GLIS3: variants seen among roughly 807,000 people sequenced by gnomAD.
GLIS3 encodes the protein zinc finger protein GLIS3.
GLIS3 carries 53 observed loss-of-function variants against 78.6 expected under a neutral mutation model. The observed-to-expected ratio is 0.67, with a 90% CI of 0.54 to 0.85. The LOEUF (loss-of-function observed/expected upper bound fraction) is 0.85, where lower values mean the gene tolerates loss of function less well. GLIS3 is among the 40% of genes least tolerant of loss of function. The pLI, the probability that GLIS3 is intolerant of heterozygous loss-of-function variation, is 0.00. For synonymous variants in GLIS3, 684 were observed against 509.9 expected (o/e 1.34, Z -4.60); for missense variants, 1,703 against 1,231.1 (o/e 1.38, Z -5.74).
At chr9:4,295,764 G>A (rs1418422783) in intron 1 of GLIS3, among the ~76,000 whole-genome samples, 2 of 152,138 alleles carry the variant, frequency 1.3e-5, no homozygotes, top group Non-Finnish European at 2.9e-5. Context: ...TTTCCGTAAG[G>A]ATATTTCATC....
At chr9:4,226,630 C>T (rs10814891) in intron 2 of GLIS3, among the ~76,000 whole-genome samples, 55,086 of 151,968 alleles carry the variant, frequency 0.36, 10,710 homozygotes, top group Non-Finnish European at 0.44. Context: ...AGCATTGCTT[C>T]AAAGTTTGGA....
intron 2 of GLIS3, among the ~76,000 whole-genome samples, chr9:4,166,747 G>A (rs1008241201): frequency 6.6e-6 from 1 of 152,224 alleles, no homozygotes; most frequent in African/African-American, 2.4e-5. Context: ...AGGCATAAGT[G>A]AACAGAGGGT....
the GLIS3 span, among the ~76,000 whole-genome samples, chr9:4,453,357 A>AAG: frequency 6.8e-6 from 1 of 146,708 alleles, no homozygotes; most frequent in Non-Finnish European, 1.5e-5. Flanking sequence ...AAAAAAAAAA[A>AAG]AAAAAAAGAA....
chr9:4,102,903 G>A (rs1830480455), intron 4 of GLIS3, among the ~76,000 whole-genome samples: 1 of 151,752 alleles, frequency 6.6e-6, no homozygotes, highest in African/African-American at 2.4e-5. Flanking sequence ...GCTTTACATA[G>A]AAGGAAAAGA....
intron 4 of GLIS3, among the ~76,000 whole-genome samples, chr9:4,070,584 G>GGTGTGTATGTGGGTAGTGA (rs2130630700): frequency 6.6e-6 from 1 of 152,106 alleles, no homozygotes; most frequent in South Asian, 2.1e-4. Context: ...GAGAAAGGAG[G>GGTGTGTATGTGGGTAGTGA]GTGTGTATGT....
At chr9:4,316,636 T>C (rs1817440354) in intron 2 of GLIS3, among the ~76,000 whole-genome samples, 2 of 152,118 alleles carry the variant, frequency 1.3e-5, no homozygotes, top group African/African-American at 4.8e-5. Context: ...ATGGTCCCAG[T>C]GTGAGTAAGC....
At chr9:4,453,806 C>T in the GLIS3 span, among the ~76,000 whole-genome samples, 1 of 151,784 alleles carries the variant, frequency 6.6e-6, no homozygotes, top group Non-Finnish European at 1.5e-5. Flanking sequence ...AATGAGAACA[C>T]TTGGACACAG....
intron 2 of GLIS3, among the ~76,000 whole-genome samples, chr9:4,199,209 C>A: frequency 6.6e-6 from 1 of 152,130 alleles, no homozygotes; most frequent in East Asian, 1.9e-4. Context: ...AGTCTCACAT[C>A]TCAGTATTAA....
chr9:4,026,141 A>G (rs577376524), intron 4 of GLIS3, among the ~76,000 whole-genome samples: 1 of 152,354 alleles, frequency 6.6e-6, no homozygotes, highest in East Asian at 1.9e-4. Flanking sequence ...TCCAACATCA[A>G]GATTATAAAT....
chr9:3,962,768 T>C (rs925290867), intron 4 of GLIS3, among the ~76,000 whole-genome samples: 7 of 152,176 alleles, frequency 4.6e-5, no homozygotes, highest in Admixed American at 2.0e-4. Flanking sequence ...AATGATGTCA[T>C]TTGGTCTTCA....
At chr9:4,320,873 C>G (rs954650867) in intron 2 of GLIS3, among the ~76,000 whole-genome samples, 8 of 152,168 alleles carry the variant, frequency 5.3e-5, no homozygotes, top group Non-Finnish European at 1.0e-4. Context: ...TCAATCTGAT[C>G]ATTACACTGA....
intron 9 of GLIS3, among the ~76,000 whole-genome samples, chr9:3,842,240 G>A (rs370700811): frequency 1.5e-3 from 223 of 152,272 alleles, no homozygotes; most frequent in African/African-American, 4.9e-3. Context: ...TTGGGAGGCC[G>A]AGATGGGTGG....
chr9:3,868,929 C>G (rs2130368341), intron 8 of GLIS3, among the ~76,000 whole-genome samples: 1 of 152,246 alleles, frequency 6.6e-6, no homozygotes, highest in East Asian at 1.9e-4. Flanking sequence ...TCCTTTCTCC[C>G]CAATTTTGGG....
intron 2 of GLIS3, among the ~76,000 whole-genome samples, chr9:4,152,588 A>T (rs1834763576): frequency 6.6e-6 from 1 of 152,126 alleles, no homozygotes; most frequent in Non-Finnish European, 1.5e-5. Context: ...ATCCTTTCCA[A>T]CCCATTTTCT....
At chr9:4,412,024 T>C in the GLIS3 span, among the ~76,000 whole-genome samples, 30 of 152,318 alleles carry the variant, frequency 2.0e-4, 1 homozygote, top group East Asian at 5.0e-3. Flanking sequence ...GGATATCAAA[T>C]GAGAAGGTTG....
chr9:4,232,732 C>T (rs1053840203), intron 2 of GLIS3, among the ~76,000 whole-genome samples: 1 of 152,152 alleles, frequency 6.6e-6, no homozygotes, highest in African/African-American at 2.4e-5. Flanking sequence ...TTGGAGGACA[C>T]AGAAACGTTA....
chr9:4,110,887 C>T (rs528629128), intron 4 of GLIS3, among the ~76,000 whole-genome samples: 1 of 152,336 alleles, frequency 6.6e-6, no homozygotes, highest in African/African-American at 2.4e-5. Flanking sequence ...CAGACGACCG[C>T]TTCTTTTTGG....
the GLIS3 span, among the ~76,000 whole-genome samples, chr9:4,436,609 AGCC>A: frequency 6.6e-6 from 1 of 152,240 alleles, no homozygotes; most frequent in East Asian, 1.9e-4. Flanking sequence ...GTTCAAGACC[AGCC>A]TAGCCAACAT....
chr9:4,029,158 C>T (rs1823600741), intron 4 of GLIS3, among the ~76,000 whole-genome samples: 1 of 152,122 alleles, frequency 6.6e-6, no homozygotes, highest in South Asian at 2.1e-4. Flanking sequence ...ATAGCCTCCT[C>T]AATACCTTAA....
Sources: gnomAD v4.1 joint callset for allele counts (sites outside exome capture counted in the v4.1 genomes callset) on GRCh38, gnomAD v4.1.1 for gene constraint, MANE v1.5 for transcripts, NCBI Gene and HGNC (gene_info 2026-07-23, HGNC 2026-07-21) for gene names.